Variants in FAF1 observed in about 807,000 individuals in gnomAD.
FAF1 encodes Fas associated factor 1, also known as FAS-associated factor 1.
In FAF1, 25 loss-of-function variants were observed where a neutral mutation model predicts 92.5. The observed-to-expected ratio is 0.27, with a 90% CI of 0.20 to 0.38. The LOEUF (loss-of-function observed/expected upper bound fraction) is 0.38. FAF1 is among the 10% of genes least tolerant of loss of function. FAF1 has a pLI of 1.00. For missense variants in FAF1, 636 were observed against 793.3 expected, an observed-to-expected ratio of 0.80 and a Z score of 2.38; for synonymous variants, 234 against 273.2, an observed-to-expected ratio of 0.86 and a Z score of 1.42.
intron 7 of FAF1, among the ~76,000 whole-genome samples, chr1:50,701,430 T>C (rs1399343413): frequency 1.3e-5 from 2 of 151,968 alleles, no homozygotes; most frequent in African/African-American, 4.8e-5. Flanking sequence ...CTTTAAAACA[T>C]TTACAGAAAG....
chr1:50,898,115 C>T (rs1225307405), intron 1 of FAF1, among the ~76,000 whole-genome samples: 1 of 152,158 alleles, frequency 6.6e-6, no homozygotes, highest in Non-Finnish European at 1.5e-5. Flanking sequence ...GCATTAGTTT[C>T]AAGTGAAATA....
At chr1:50,524,258 T>C (rs1162388114) in intron 15 of FAF1, among the ~76,000 whole-genome samples, 2 of 152,226 alleles carry the variant, frequency 1.3e-5, no homozygotes, top group African/African-American at 4.8e-5. Flanking sequence ...TTTGTAAATT[T>C]AAGTTCCTTA....
chr1:50,848,590 G>A (rs1644322124), intron 2 of FAF1, among the ~76,000 whole-genome samples: 1 of 152,160 alleles, frequency 6.6e-6, no homozygotes, highest in Non-Finnish European at 1.5e-5. Context: ...ACTGGGAGAC[G>A]CTATCTTAAC....
chr1:50,593,144 T>G (rs1225137834), intron 9 of FAF1, among the ~76,000 whole-genome samples: 1 of 152,114 alleles, frequency 6.6e-6, no homozygotes, highest in Non-Finnish European at 1.5e-5. Context: ...AAGATATTAT[T>G]ATTCAGTAAT....
intron 17 of FAF1, among the ~76,000 whole-genome samples, chr1:50,480,707 A>G (rs1042901746): frequency 6.6e-6 from 1 of 152,252 alleles, no homozygotes; most frequent in African/African-American, 2.4e-5. Flanking sequence ...TCGTAAGATT[A>G]TAACGGAGCT....
At position 50,583,225 on chromosome 1, in the gene FAF1, A is replaced by C. The variant is rs1244004663; in HGVS notation, c.1031+427T>G. On this transcript the variant is annotated intron_variant, in intron 11 of 18. Transcript: ENST00000396153. The surrounding 1 kb of genome is among the most constrained non-coding windows in gnomAD (Gnocchi z 4.2). Reference sequence around the variant, plus strand: ...ATAAAATATTTTATATTTGACACTTAAGGAAGAAATGTAAAGCAATTCCAA... The same window carrying C: ...ATAAAATATTTTATATTTGACACTTCAGGAAGAAATGTAAAGCAATTCCAA... Among the ~76,000 whole-genome samples the C allele has an allele frequency of 6.6e-6, 1 of 151,802 alleles. No individual in the cohort carries two copies. The highest frequency in any genetic ancestry group is 2.4e-5 in the African/African-American group (1 of 41,438).
intron 7 of FAF1, among the ~76,000 whole-genome samples, chr1:50,692,272 TG>T (rs1557478257): frequency 2.7e-4 from 41 of 151,756 alleles, no homozygotes; most frequent in African/African-American, 9.4e-4. Context: ...TGTGTGTGTG[TG>T]TGTGTGTGTG....
chr1:50,620,186 C>T (rs1214600277), intron 8 of FAF1, among the ~76,000 whole-genome samples: 1 of 152,172 alleles, frequency 6.6e-6, no homozygotes, highest in Non-Finnish European at 1.5e-5. Context: ...GGATTATAGG[C>T]GTGAGCCACC....
intron 1 of FAF1, 105 bp from the exon 2 acceptor site, chr1:50,858,102 G>T: frequency 1.4e-6 from 1 of 700,960 alleles, no homozygotes; most frequent in Admixed American, 3.2e-5. Context: ...ATTCAAATAG[G>T]TATATGAATA....
At chr1:50,927,137 T>C (rs962123931) in intron 1 of FAF1, among the ~76,000 whole-genome samples, 1 of 151,858 alleles carries the variant, frequency 6.6e-6, no homozygotes, top group African/African-American at 2.4e-5. Context: ...ATCAATAGAG[T>C]TTGGGAAGAT....
At chr1:50,452,283 A>G (rs1226432452) in intron 18 of FAF1, 3 of 551,852 alleles carry the variant, frequency 5.4e-6, no homozygotes, top group African/African-American at 3.9e-5. Context: ...TAAACTGGAC[A>G]CAGGCAAATT....
intron 2 of FAF1, among the ~76,000 whole-genome samples, chr1:50,826,845 T>C (rs1260833714): frequency 6.6e-6 from 1 of 152,142 alleles, no homozygotes; most frequent in East Asian, 1.9e-4. Flanking sequence ...AATCTTTAAT[T>C]AAAAACCTTC....
At chr1:50,479,824 C>A (rs1646679845) in intron 17 of FAF1, among the ~76,000 whole-genome samples, 1 of 152,110 alleles carries the variant, frequency 6.6e-6, no homozygotes, top group Non-Finnish European at 1.5e-5. Context: ...CACCAATGGA[C>A]CAATGTGGAA....
intron 4 of FAF1, among the ~76,000 whole-genome samples, chr1:50,785,944 AAAGT>A (rs1229575039): frequency 6.6e-6 from 1 of 152,030 alleles, no homozygotes; most frequent in African/African-American, 2.4e-5. Context: ...CCTGGGAAAG[AAAGT>A]AAGTGAGACT....
chr1:50,813,709 C>T (rs1238665936), intron 2 of FAF1, among the ~76,000 whole-genome samples: 1 of 152,062 alleles, frequency 6.6e-6, no homozygotes, highest in Admixed American at 6.5e-5. Flanking sequence ...GTGACTCTCT[C>T]GCCTTGACCT....
rs556389057 is a variant in FAF1 at position 50,940,885 on chromosome 1, C to G, written c.45+18882G>C. On this transcript the variant is annotated intron_variant, in intron 1 of 18. Coordinates refer to ENST00000396153, the MANE Select transcript of FAF1 (RefSeq NM_007051.3). ...TTTTGTTTCTCCATCTCTCTATTAG[C>G]CTTGGTCAATCCAGGGACACCAGCA... Among the ~76,000 whole-genome samples, 374 of 152,232 alleles carry G rather than the reference C, an allele frequency of 2.5e-3. 2 individuals carry two copies. The highest frequency in any genetic ancestry group is 4.3e-3 in the Non-Finnish European group (295 of 68,010).
intron 4 of FAF1, among the ~76,000 whole-genome samples, chr1:50,771,324 A>G (rs1569920436): frequency 6.6e-6 from 1 of 152,318 alleles, no homozygotes; most frequent in East Asian, 1.9e-4. Context: ...CAACCTACAG[A>G]ATGGGAGAAA....
chr1:50,713,521 G>A (rs1658036809), intron 6 of FAF1, among the ~76,000 whole-genome samples: 5 of 152,078 alleles, frequency 3.3e-5, no homozygotes, highest in African/African-American at 9.7e-5. Context: ...TGATCTGCCC[G>A]CCTTGGCCTC....
At chr1:50,856,950 CTA>C (rs1644395043) in intron 2 of FAF1, among the ~76,000 whole-genome samples, 1 of 151,572 alleles carries the variant, frequency 6.6e-6, no homozygotes, top group South Asian at 2.1e-4. Flanking sequence ...TCTCAGTTGT[CTA>C]TTTTTTAAAT....
Sources: gnomAD v4.1 joint callset for allele counts (sites outside exome capture counted in the v4.1 genomes callset) on GRCh38, gnomAD v4.1.1 for gene constraint, Gnocchi (gnomAD v3.1) non-coding constraint, MANE v1.5 for transcripts, NCBI Gene and HGNC (gene_info 2026-07-23, HGNC 2026-07-21) for gene names.